ZNF487: variants seen among roughly 807,000 people sequenced by gnomAD.
ZNF487 encodes zinc finger protein 487.
Under a neutral mutation model 3.0 loss-of-function variants are expected in ZNF487, and 4 were observed. That is an observed-to-expected ratio of 1.35 (90% CI 0.66 to 3.08). The LOEUF (loss-of-function observed/expected upper bound fraction) is 3.08. Among genes scored for constraint, ZNF487 ranks in the 30% most tolerant of loss-of-function variants. The probability of loss-of-function intolerance (pLI) is 0.01; values close to 1 mark genes in which losing one functional copy is unlikely to be tolerated. For missense variants in ZNF487, 146 were observed against 98.7 expected (o/e 1.48, Z -2.03); for synonymous variants, 55 against 34.6 (o/e 1.59, Z -2.06).
chr10:43,462,313 C>T (rs926494413), intron 1 of ZNF487, among the ~76,000 whole-genome samples: 8 of 152,112 alleles, frequency 5.3e-5, no homozygotes, highest in Non-Finnish European at 1.0e-4. Context: ...GCCACGTAAT[C>T]ATTGATTACA....
chr10:43,442,315 A>G (rs1015141685), intron 1 of ZNF487, among the ~76,000 whole-genome samples: 3 of 152,148 alleles, frequency 2.0e-5, no homozygotes, highest in Non-Finnish European at 4.4e-5. Context: ...TTGATAGGAA[A>G]AATGTTCAAT....
chr10:43,458,031 A>C, intron 1 of ZNF487: 1 of 138,628 alleles, frequency 7.2e-6, no homozygotes, highest in African/African-American at 2.7e-5. Flanking sequence ...CAATAAAAAA[A>C]CAACAACAAC....
the ZNF487 span, among the ~76,000 whole-genome samples, chr10:43,518,506 G>T: frequency 6.6e-6 from 1 of 152,038 alleles, no homozygotes; most frequent in Non-Finnish European, 1.5e-5. Flanking sequence ...TGACCATCTT[G>T]CCATATTGCC....
intron 1 of ZNF487, among the ~76,000 whole-genome samples, chr10:43,470,494 C>T (rs1393071339): frequency 6.6e-6 from 1 of 152,100 alleles, no homozygotes; most frequent in Non-Finnish European, 1.5e-5. Flanking sequence ...AGCGATTCTC[C>T]TGCCTCAGCC....
chr10:43,515,139 C>T, the ZNF487 span, among the ~76,000 whole-genome samples: 1 of 152,184 alleles, frequency 6.6e-6, no homozygotes, highest in African/African-American at 2.4e-5. Flanking sequence ...TTCTTTCCAC[C>T]ATTATCCCAC....
At chr10:43,438,447 A>C (rs1057420909) in intron 1 of ZNF487, among the ~76,000 whole-genome samples, 5 of 152,128 alleles carry the variant, frequency 3.3e-5, no homozygotes, top group African/African-American at 9.7e-5. Context: ...CAGCCCCCCA[A>C]AGTGCTGGGA....
At chr10:43,483,815 A>G (rs1841445232), downstream of ZNF487, among the ~76,000 whole-genome samples, 1 of 152,040 alleles carries the variant, frequency 6.6e-6, no homozygotes, top group South Asian at 2.1e-4. Context: ...GGTGTGAACC[A>G]CCATGCCTGA....
At chr10:43,494,561 C>T in the ZNF487 span, among the ~76,000 whole-genome samples, 9 of 147,912 alleles carry the variant, frequency 6.1e-5, no homozygotes, top group Non-Finnish European at 7.6e-5. Context: ...AACTCTAGTG[C>T]TTACTTCACC....
chr10:43,501,745 A>AC, the ZNF487 span, among the ~76,000 whole-genome samples: 2 of 150,712 alleles, frequency 1.3e-5, no homozygotes, highest in Non-Finnish European at 2.9e-5. Flanking sequence ...CTGTCTCAAA[A>AC]AAAAACAAAA....
intron 1 of ZNF487, among the ~76,000 whole-genome samples, chr10:43,466,591 C>T (rs998518649): frequency 7.9e-5 from 12 of 151,266 alleles, no homozygotes; most frequent in East Asian, 2.0e-4. Context: ...TTAGTAGAGA[C>T]GGGGTTTCAC....
chr10:43,436,966 G>T (rs1233993558), upstream of ZNF487: 1 of 449,766 alleles, frequency 2.2e-6, no homozygotes, highest in Admixed American at 2.4e-5. Context: ...CAAGAGGGCA[G>T]CTGGTAGCAG....
the ZNF487 span, among the ~76,000 whole-genome samples, chr10:43,496,315 C>T: frequency 6.6e-6 from 1 of 152,020 alleles, no homozygotes; most frequent in African/African-American, 2.4e-5. Flanking sequence ...ACTTTTTTCC[C>T]CTCTCCTAGT....
intron 1 of ZNF487, among the ~76,000 whole-genome samples, chr10:43,451,186 T>TA (rs1378626485): frequency 6.6e-6 from 1 of 151,796 alleles, no homozygotes; most frequent in African/African-American, 2.4e-5. Context: ...CCTCAGGTGA[T>TA]ACGCTTGCCT....
chr10:43,509,505 A>G, the ZNF487 span, among the ~76,000 whole-genome samples: 1 of 149,028 alleles, frequency 6.7e-6, no homozygotes, highest in South Asian at 2.1e-4. Flanking sequence ...TTAAGGATTA[A>G]CTCACACAAA....
chr10:43,448,240 C>T (rs1026555566), intron 1 of ZNF487, among the ~76,000 whole-genome samples: 3 of 151,904 alleles, frequency 2.0e-5, no homozygotes, highest in Non-Finnish European at 4.4e-5. Flanking sequence ...CCACCTGCCT[C>T]AGCCTCCCAA....
At chr10:43,467,991 T>C (rs941718050) in intron 1 of ZNF487, among the ~76,000 whole-genome samples, 1 of 152,088 alleles carries the variant, frequency 6.6e-6, no homozygotes, top group African/African-American at 2.4e-5. Context: ...ACAACATTAA[T>C]AGGAATTTGG....
chr10:43,447,065 T>C lies in ZNF487; in HGVS notation c.-94+9803T>C, dbSNP rs372753110. Among the ~76,000 whole-genome samples, 15 of 150,808 alleles carry C rather than the reference T, an allele frequency of 9.9e-5. No homozygotes were observed. In the East Asian group the frequency reaches 2.7e-3, roughly 27 times the overall value. On this transcript the variant is annotated intron_variant, in intron 1 of 3. Transcript: ENST00000437590. Reference sequence around the variant, plus strand: ...CCAGTCAGGCGTGGCAGCGTGCCCCTACAATCCCAGGCACTCGGCAGGCTG... The same window carrying C: ...CCAGTCAGGCGTGGCAGCGTGCCCCCACAATCCCAGGCACTCGGCAGGCTG...
At chr10:43,441,853 C>T (rs536443293) in intron 1 of ZNF487, among the ~76,000 whole-genome samples, 2 of 152,310 alleles carry the variant, frequency 1.3e-5, no homozygotes, top group South Asian at 4.1e-4. Context: ...TCCCAAAGTT[C>T]TGGGATTACA....
At chr10:43,451,828 G>T in intron 1 of ZNF487, 1 of 152,396 alleles carries the variant, frequency 6.6e-6, no homozygotes, top group Non-Finnish European at 1.5e-5. Flanking sequence ...GCCTCGCAAA[G>T]TGCTGGGATT....
Sources: allele counts gnomAD v4.1 joint callset (sites outside exome capture counted in the v4.1 genomes callset), GRCh38; gene constraint gnomAD v4.1.1; transcripts MANE v1.5; gene names NCBI Gene and HGNC (gene_info 2026-07-23, HGNC 2026-07-21).